The following RAPGEF5 variants were observed in gnomAD, a reference collection of about 807,000 sequenced individuals.
RAPGEF5 encodes the protein Rap guanine nucleotide exchange factor 5.
A neutral mutation model predicts 125.2 loss-of-function variants in RAPGEF5; 65 were observed. That is an observed-to-expected ratio of 0.52 (90% confidence interval 0.43 to 0.64). RAPGEF5 has a LOEUF of 0.64. Ranked by LOEUF, RAPGEF5 falls within the 30% of genes least tolerant of loss-of-function variation. The pLI is 0.00. For missense variants in RAPGEF5, 958 were observed against 1,048.1 expected, an observed-to-expected ratio of 0.91 and a Z score of 1.19; for synonymous variants, 391 against 385.9, an observed-to-expected ratio of 1.01 and a Z score of -0.16.
At chr7:22,171,280 A>G (rs1214101808) in intron 11 of RAPGEF5, among the ~76,000 whole-genome samples, 2 of 152,214 alleles carry the variant, frequency 1.3e-5, no homozygotes, top group Non-Finnish European at 2.9e-5. Flanking sequence ...TTAAAACACT[A>G]TAATTATCTA....
At chr7:22,161,405 T>A (rs116341788) in intron 13 of RAPGEF5, among the ~76,000 whole-genome samples, 3 of 151,980 alleles carry the variant, frequency 2.0e-5, no homozygotes, top group South Asian at 4.2e-4. Flanking sequence ...AGTGTGGTAG[T>A]GCATGCCTTT....
At chr7:22,191,279 G>A (rs1232317479) in intron 11 of RAPGEF5, among the ~76,000 whole-genome samples, 2 of 152,080 alleles carry the variant, frequency 1.3e-5, no homozygotes, top group African/African-American at 4.8e-5. Flanking sequence ...ATTTTCTGTT[G>A]TGTTTTCTCC....
chr7:22,167,837 A>T (rs1039305090), intron 11 of RAPGEF5, among the ~76,000 whole-genome samples: 2 of 152,122 alleles, frequency 1.3e-5, no homozygotes, highest in Non-Finnish European at 2.9e-5. Context: ...TTTGTGCTTT[A>T]AGTGTTCTTG....
intron 9 of RAPGEF5, among the ~76,000 whole-genome samples, chr7:22,204,672 G>A (rs570036051): frequency 1.4e-3 from 217 of 152,260 alleles, no homozygotes; most frequent in Middle Eastern, 6.8e-3. Flanking sequence ...TTTTAGGGAG[G>A]CACGCCTTTG....
At chr7:22,305,931 C>T (rs1257423450) in intron 5 of RAPGEF5, among the ~76,000 whole-genome samples, 1 of 152,206 alleles carries the variant, frequency 6.6e-6, no homozygotes, top group African/African-American at 2.4e-5. Context: ...ATATGTACCA[C>T]GTTTTCTTTA....
intron 11 of RAPGEF5, among the ~76,000 whole-genome samples, chr7:22,181,403 T>C (rs917318964): frequency 8.5e-5 from 13 of 152,162 alleles, no homozygotes; most frequent in African/African-American, 3.1e-4. Context: ...GGTAGCAATA[T>C]CCAGCCAGGT....
intron 7 of RAPGEF5, among the ~76,000 whole-genome samples, chr7:22,235,604 C>T (rs760387591): frequency 6.6e-6 from 1 of 152,206 alleles, no homozygotes; most frequent in Admixed American, 6.5e-5. Flanking sequence ...GAATCTTTTA[C>T]ATGTTCTGTG....
intron 7 of RAPGEF5, among the ~76,000 whole-genome samples, chr7:22,253,991 T>C (rs901602491): frequency 6.6e-6 from 1 of 152,146 alleles, no homozygotes; most frequent in African/African-American, 2.4e-5. Flanking sequence ...CTTCTACACA[T>C]GAAAAAGGGA....
intron 9 of RAPGEF5, among the ~76,000 whole-genome samples, chr7:22,204,141 G>A (rs1785345420): frequency 6.6e-6 from 1 of 152,178 alleles, no homozygotes; most frequent in African/African-American, 2.4e-5. Context: ...ACTTTTCAGA[G>A]CAGCATAAAA....
chr7:22,162,312 A>C (rs540112400), intron 13 of RAPGEF5, 85 bp downstream of exon 13: 3 of 1,368,182 alleles, frequency 2.2e-6, no homozygotes, highest in South Asian at 2.6e-5. Flanking sequence ...AATGACTGTT[A>C]CCTACAAATG....
chr7:22,219,127 G>A (rs141541073), intron 9 of RAPGEF5, among the ~76,000 whole-genome samples: 44 of 152,170 alleles, frequency 2.9e-4, no homozygotes, highest in African/African-American at 9.4e-4. Context: ...GAGCAATCCT[G>A]GATAGTGCAG....
chr7:22,119,907 CCAGTGAA>C lies in RAPGEF5; in HGVS notation c.*2492_*2498del, dbSNP rs1401133444. ...AGCACTCAAGCCCCACCACTGTCCA[CCAGTGAA>C]CAGCTCAGATTCCTTAGAAAGAGCT... On this transcript the variant is annotated 3_prime_UTR_variant, in exon 26 of 26. Transcript: ENST00000665637. The surrounding 1 kb of genome is among the most constrained non-coding windows in gnomAD (Gnocchi z 4.1). 3 of 152,192 alleles carry C rather than the reference CCAGTGAA, an allele frequency of 2.0e-5. No individual in the cohort carries two copies. The highest frequency in any genetic ancestry group is 7.2e-5 in the African/African-American group (3 of 41,438). 9.4% of individuals were successfully genotyped at this position (152,192 alleles called of 1,614,324 possible).
rs370039676 is a variant in RAPGEF5, at chr7:22,240,720, T to C, written c.797-9801A>G. 3.3e-4 allele frequency among the ~76,000 whole-genome samples: 50 copies of C among 152,180 alleles called. No individual in the cohort carries two copies. In the East Asian group the frequency reaches 9.3e-3, roughly 28 times the overall value. Reference sequence around the variant, plus strand: ...TTTCAATGTTGTGTTCTAGTGACAATACAGATTCAGGTCAATCTGCTATCA... The same window carrying C: ...TTTCAATGTTGTGTTCTAGTGACAACACAGATTCAGGTCAATCTGCTATCA... On this transcript the variant is annotated intron_variant, in intron 7 of 25. Transcript: ENST00000665637.
At chr7:22,328,720 C>T (rs1322385463) in intron 1 of RAPGEF5, among the ~76,000 whole-genome samples, 3 of 152,094 alleles carry the variant, frequency 2.0e-5, no homozygotes, top group Non-Finnish European at 2.9e-5. Flanking sequence ...ATTCCAAAAC[C>T]CTGCTCCCAC....
At chr7:22,178,092 G>A (rs1784563457) in intron 11 of RAPGEF5, among the ~76,000 whole-genome samples, 1 of 151,940 alleles carries the variant, frequency 6.6e-6, no homozygotes, top group Non-Finnish European at 1.5e-5. Context: ...CAGCCAATTT[G>A]CTTTTCAAAA....
chr7:22,180,027 T>C (rs560991313), intron 11 of RAPGEF5, among the ~76,000 whole-genome samples: 1 of 152,334 alleles, frequency 6.6e-6, no homozygotes, highest in East Asian at 1.9e-4. Context: ...TTCACTTTAC[T>C]CTATGGGTTC....
chr7:22,310,510 A>G (rs1183374053), intron 3 of RAPGEF5, among the ~76,000 whole-genome samples: 2 of 152,228 alleles, frequency 1.3e-5, no homozygotes, highest in Non-Finnish European at 2.9e-5. Context: ...AGCCTTTTAT[A>G]TAGAGATAAT....
chr7:22,311,804 G>A (rs1327604580), intron 3 of RAPGEF5, among the ~76,000 whole-genome samples: 8 of 152,098 alleles, frequency 5.3e-5, no homozygotes, highest in African/African-American at 1.9e-4. Context: ...AATTCTATAG[G>A]ATATCTTTCA....
intron 9 of RAPGEF5, among the ~76,000 whole-genome samples, chr7:22,218,072 C>T (rs940973535): frequency 9.2e-5 from 14 of 152,098 alleles, no homozygotes; most frequent in African/African-American, 2.9e-4. Context: ...CCCATTAACT[C>T]GTCATTTAAC....
Sources: gnomAD v4.1 joint callset for allele counts (sites outside exome capture counted in the v4.1 genomes callset) on GRCh38, gnomAD v4.1.1 for gene constraint, Gnocchi (gnomAD v3.1) non-coding constraint, MANE v1.5 for transcripts, NCBI Gene and HGNC (gene_info 2026-07-23, HGNC 2026-07-21) for gene names.